The following ZNF326 variants were observed in gnomAD, a reference collection of about 807,000 sequenced individuals.
ZNF326 encodes the protein DBIRD complex subunit ZNF326.
ZNF326 carries 30 observed loss-of-function variants against 63.1 expected under a neutral mutation model. That is an observed-to-expected ratio of 0.48 (90% CI 0.36 to 0.64). The LOEUF is 0.64. Among genes scored for constraint, ZNF326 ranks in the 30% least tolerant of loss-of-function variants. ZNF326 has a pLI of 0.00. For missense variants in ZNF326, 609 were observed against 720.3 expected (o/e 0.85, Z 1.77); for synonymous variants, 194 against 228.2 (o/e 0.85, Z 1.35).
intron 6 of ZNF326, among the ~76,000 whole-genome samples, chr1:90,012,740 A>G (rs1173660082): frequency 6.6e-6 from 1 of 152,194 alleles, no homozygotes. Context: ...TGTTTACTGG[A>G]CTTCCATTTT....
intron 1 of ZNF326, among the ~76,000 whole-genome samples, chr1:89,997,353 T>C (rs140479022): frequency 2.4e-4 from 37 of 152,340 alleles, no homozygotes; most frequent in Admixed American, 1.9e-3. Context: ...TATATGCATA[T>C]GCATGTCTCA....
At chr1:90,005,266 C>T (rs755568509) in intron 4 of ZNF326, 22 bp downstream of exon 4, 4 of 1,600,884 alleles carry the variant, frequency 2.5e-6, no homozygotes, top group South Asian at 2.3e-5. Flanking sequence ...AATCATTTGG[C>T]CAAATAATTA....
chr1:90,022,999 C>T (rs1649847529), intron 11 of ZNF326, among the ~76,000 whole-genome samples: 1 of 152,162 alleles, frequency 6.6e-6, no homozygotes, highest in Non-Finnish European at 1.5e-5. Flanking sequence ...AGGTTTGCTT[C>T]TAATATTATG....
chr1:89,996,341 G>A (rs775787685), intron 1 of ZNF326, among the ~76,000 whole-genome samples: 1 of 152,136 alleles, frequency 6.6e-6, no homozygotes, highest in South Asian at 2.1e-4. Flanking sequence ...TAAATGAGGT[G>A]TGATCTCAGC....
chr1:90,018,599 A>G (rs899353538), intron 8 of ZNF326, 86 bp from the exon 9 acceptor site: 3 of 654,282 alleles, frequency 4.6e-6, no homozygotes, highest in East Asian at 3.1e-5. Flanking sequence ...CAGATACTGT[A>G]TCTTCCATAG....
At chr1:89,999,330 A>C (rs1648554803) in intron 2 of ZNF326, among the ~76,000 whole-genome samples, 1 of 149,944 alleles carries the variant, frequency 6.7e-6, no homozygotes. Context: ...TAGTGCTTTT[A>C]CAAGGGAGAG....
intron 2 of ZNF326, among the ~76,000 whole-genome samples, chr1:90,002,696 G>GT (rs1648745287): frequency 6.6e-6 from 1 of 152,140 alleles, no homozygotes; most frequent in Non-Finnish European, 1.5e-5. Flanking sequence ...GAAGTGCTCT[G>GT]TAAGTGTAAA....
chr1:90,006,304 A>G lies in ZNF326; in HGVS notation c.210-1041A>G, dbSNP rs952983286. On this transcript the variant is annotated intron_variant, in intron 4 of 11. Transcript: ENST00000340281. The stretch of plus-strand genomic sequence containing the variant: ...TAGTGATCTGTAAATAATTGAAGTA[A>G]TGTAACACTTAATGTTTTAATATGT... The G allele has an allele frequency of 2.7e-5, 26 of 978,102 alleles. No homozygotes were observed. The African/African-American group carries it at 4.5e-4, about 17-fold the overall frequency. 60.6% of individuals were successfully genotyped at this position (978,102 alleles called of 1,614,324 possible).
Position 90,030,670 on chromosome 1 carries a change from T to C in ZNF326, c.*2969T>C, listed in dbSNP as rs1166077111. On this transcript the variant is annotated 3_prime_UTR_variant, in exon 12 of 12. Coordinates refer to ENST00000340281, the MANE Select transcript of ZNF326 (RefSeq NM_182976.4). ...CTTTGGAGGTGTTCTTTTTTTCTAC[T>C]TTTTTTTTTTTTTTCTTTAGGTTCT... 1 of 131,990 alleles carries C rather than the reference T, an allele frequency of 7.6e-6. No individual in the cohort carries two copies. The highest frequency in any genetic ancestry group is 2.9e-5 in the African/African-American group (1 of 34,804). The allele number at this position is 131,990 out of a possible 1,614,324, so 8.2% of individuals were successfully genotyped here.
rs1404420460 is a variant in ZNF326 at position 90,027,439 on chromosome 1, C to T, written c.1487C>T (p.Pro496Leu). 3 of 1,612,972 alleles carry T rather than the reference C, an allele frequency of 1.9e-6. No homozygotes were observed. The highest frequency in any genetic ancestry group is 3.3e-5 in the Admixed American group (2 of 59,926). ...DEEDEEKIDE[P>L]IEEEEDEDEE... ...GAGGATGAAGAGAAGATTGATGAACCTATTGAAGAAGAGGAGGATGAAGAT... is the reference window on the plus strand; with the variant it reads ...GAGGATGAAGAGAAGATTGATGAACTTATTGAAGAAGAGGAGGATGAAGAT... The change falls in exon 12 of 12, where the codon CCT (proline) becomes CTT (leucine). Residue 496 changes from proline to leucine, a missense_variant. Coordinates refer to ENST00000340281, the MANE Select transcript of ZNF326 (RefSeq NM_182976.4).
At position 90,010,153 on chromosome 1, in the gene ZNF326, CA is replaced by C. The variant is rs1325677101; in HGVS notation, c.683del (p.Asn228MetfsTer2). 1 of 1,613,624 alleles carries C rather than the reference CA, an allele frequency of 6.2e-7. No homozygotes were observed. The highest frequency in any genetic ancestry group is 1.7e-5 in the Admixed American group (1 of 59,986). ...TTGTTGACTATCAAAACAAATCCAC[CA>C]ATGTGACAGTTGCTGCTGCAAGAGG... ...IVVDYQNKST[N>X]VTVAAARGIK... On this transcript the variant is annotated frameshift_variant, in exon 6 of 12. Transcript: ENST00000340281. LOFTEE classifies it high-confidence loss of function.
chr1:89,998,201 G>A, intron 2 of ZNF326, 47 bp downstream of exon 2: 1 of 1,590,658 alleles, frequency 6.3e-7, no homozygotes, highest in Non-Finnish European at 8.6e-7. Flanking sequence ...TAAAAATATA[G>A]TATCAATGTA....
intron 1 of ZNF326, 108 bp downstream of exon 1, chr1:89,995,381 C>A: frequency 3.6e-6 from 5 of 1,378,622 alleles, no homozygotes; most frequent in South Asian, 2.9e-5. Flanking sequence ...GTTCTGCGGG[C>A]CCGGAGGCCG....
At position 90,031,801 on chromosome 1, in the gene ZNF326, C is replaced by G. The variant is rs1650283425; in HGVS notation, c.*4100C>G. On this transcript the variant is annotated 3_prime_UTR_variant, in exon 12 of 12. Transcript: ENST00000340281. ...TCTTGAACTCCTGACCTCAAGTGAT[C>G]TGCCTGCCTTGGCCTCCCAAAGTGC... The G allele has an allele frequency of 6.6e-6, 1 of 151,116 alleles. No individual in the cohort carries two copies. The highest frequency in any genetic ancestry group is 2.5e-5 in the African/African-American group (1 of 40,392). 9.4% of individuals were successfully genotyped at this position (151,116 alleles called of 1,614,324 possible).
intron 2 of ZNF326, among the ~76,000 whole-genome samples, chr1:89,998,620 TG>T (rs1257322749): frequency 6.6e-6 from 1 of 152,178 alleles, no homozygotes; most frequent in Non-Finnish European, 1.5e-5. Flanking sequence ...GAGGAGCACA[TG>T]AAGAAGCTTG....
At chr1:90,016,723 A>AAAAAAG (rs1295862955) in intron 7 of ZNF326, among the ~76,000 whole-genome samples, 1 of 152,144 alleles carries the variant, frequency 6.6e-6, no homozygotes, top group South Asian at 2.1e-4. Context: ...TCTCAAAAAA[A>AAAAAAG]AAAAAGAAAA....
rs1650111534 is a variant in ZNF326 at position 90,028,187 on chromosome 1, C to A, written c.*486C>A. On this transcript the variant is annotated 3_prime_UTR_variant, in exon 12 of 12. Transcript: ENST00000340281. ...GATACGCTTAAAGGCTCTTTGTGAC[C>A]ATGTTTCCCTTTGTAGCAATAAAAT... 1 of 154,208 alleles carries A rather than the reference C, an allele frequency of 6.5e-6. No homozygotes were observed. Among genetic ancestry groups the A allele is most frequent in the East Asian group, 1.9e-4 (1 of 5,210 alleles). 9.6% of individuals were successfully genotyped at this position (154,208 alleles called of 1,614,324 possible). A position where few individuals can be genotyped will look rare whatever the true frequency, so the allele number is the denominator to read the frequency against.
rs375384923 is a variant in ZNF326 at position 90,007,429 on chromosome 1, C to T, written c.294C>T (p.Pro98=). Residue 98 remains proline (P), a synonymous_variant, in exon 5 of 12, where the codon CCC becomes CCT. Coordinates refer to ENST00000340281, the MANE Select transcript of ZNF326 (RefSeq NM_182976.4). The surrounding 1 kb of genome is among the most constrained non-coding windows in gnomAD (Gnocchi z 4.9). ...GATCTGGCTATGGTTTTAATGAACC[C>T]GAACAAAGCCGCTTCGGAGGTAGTT... ...LYRSGYGFNE[P]EQSRFGGSYG... 1.9e-5 allele frequency: 31 copies of T among 1,613,836 alleles called. No individual in the cohort carries two copies. The African/African-American group carries it at 3.6e-4, about 19-fold the overall frequency.
intron 6 of ZNF326, among the ~76,000 whole-genome samples, chr1:90,011,827 AATTT>A (rs1202425799): frequency 2.0e-5 from 3 of 151,868 alleles, no homozygotes; most frequent in East Asian, 3.9e-4. Flanking sequence ...TTCCAACAAA[AATTT>A]ATTTATTTAT....
Sources: gnomAD v4.1 joint callset for allele counts (sites outside exome capture counted in the v4.1 genomes callset) on GRCh38, gnomAD v4.1.1 for gene constraint, Gnocchi (gnomAD v3.1) non-coding constraint, MANE v1.5 for transcripts, NCBI Gene and HGNC (gene_info 2026-07-23, HGNC 2026-07-21) for gene names.